TDRD12: variants seen among roughly 807,000 people sequenced by gnomAD.
The protein encoded by TDRD12 is putative ATP-dependent RNA helicase TDRD12.
A neutral mutation model predicts 133.5 loss-of-function variants in TDRD12; 158 were observed. The observed-to-expected ratio is 1.18, with a 90% confidence interval of 1.04 to 1.35. TDRD12 has a LOEUF of 1.35. Ranked by LOEUF, TDRD12 falls within the 40% of genes most tolerant of loss-of-function variation. TDRD12 has a pLI of 0.00. For synonymous variants in TDRD12, 460 were observed against 477.9 expected, an observed-to-expected ratio of 0.96 and a Z score of 0.49; for missense variants, 1,443 against 1,321.3, an observed-to-expected ratio of 1.09 and a Z score of -1.43.
rs1042187486 is a variant in TDRD12, at chr19:32,796,446, G to A, written c.1474-1289G>A. On this transcript the variant is annotated intron_variant, in intron 14 of 27. Transcript: ENST00000444215. ...CTAAAAATACAAAAATTAGCTGGGC[G>A]TGGTGGCACACGCCTGTAGTTCCAG... 3.9e-5 allele frequency among the ~76,000 whole-genome samples: 6 copies of A among 152,156 alleles called. No individual in the cohort carries two copies. In the East Asian group the frequency reaches 5.8e-4, roughly 15 times the overall value.
Position 32,777,843 on chromosome 19 carries a change from A to G in TDRD12, c.1121+614A>G, listed in dbSNP as rs1568472453. 8.0e-3 allele frequency among the ~76,000 whole-genome samples: 128 copies of G among 16,000 alleles called. 4 individuals carry two copies. The highest frequency in any genetic ancestry group is 0.042 in the Middle Eastern group (1 of 24). The allele number at this position is 16,000 out of a possible 152,430, so 10.5% of individuals were successfully genotyped here. ...TATATATATATATATATATATATAT[A>G]TATATATATATATATTTTTTTTTTT... is the stretch of plus-strand genomic sequence containing the variant. On this transcript the variant is annotated intron_variant, in intron 11 of 27. Coordinates refer to ENST00000444215, the Ensembl canonical transcript of TDRD12.
At chr19:32,743,334 A>T (rs1039995843) in intron 4 of TDRD12, among the ~76,000 whole-genome samples, 1 of 151,556 alleles carries the variant, frequency 6.6e-6, no homozygotes, top group African/African-American at 2.4e-5. Context: ...GGCACATGCC[A>T]CCATACCCAG....
intron 16 of TDRD12, among the ~76,000 whole-genome samples, chr19:32,798,671 A>C (rs1460393687): frequency 6.6e-6 from 1 of 152,228 alleles, no homozygotes; most frequent in Non-Finnish European, 1.5e-5. Context: ...AAAATACTTA[A>C]AATTTTTCTG....
At chr19:32,745,314 GC>G (rs1037282971) in intron 4 of TDRD12, among the ~76,000 whole-genome samples, 2 of 152,184 alleles carry the variant, frequency 1.3e-5, no homozygotes, top group African/African-American at 4.8e-5. Context: ...AACCTAGGAT[GC>G]CCCCAGGGAA....
chr19:32,816,874 G>A (rs985900686), intron 26 of TDRD12, among the ~76,000 whole-genome samples: 2 of 152,138 alleles, frequency 1.3e-5, no homozygotes, highest in Non-Finnish European at 2.9e-5. Context: ...AGCCACTTCA[G>A]GATACCTAAT....
exon 1 of TDRD12, chr19:32,719,815 G>GGCAGGCAGGGATCCC: frequency 5.3e-6 from 3 of 569,934 alleles, no homozygotes; most frequent in Non-Finnish European, 9.5e-6. Context: ...CCCGAGGCCA[G>GGCAGGCAGGGATCCC]GCAGGCAGGG....
chr19:32,763,206 T>C (rs1970200119), intron 8 of TDRD12, among the ~76,000 whole-genome samples: 1 of 152,208 alleles, frequency 6.6e-6, no homozygotes, highest in African/African-American at 2.4e-5. Flanking sequence ...CCTTGTTTTT[T>C]TGTTCCTCTT....
At chr19:32,791,696 A>C (rs1482270859) in intron 13 of TDRD12, among the ~76,000 whole-genome samples, 2 of 152,034 alleles carry the variant, frequency 1.3e-5, no homozygotes, top group African/African-American at 2.4e-5. Flanking sequence ...GCCAGCTTGT[A>C]TTGTTCTCAG....
intron 9 of TDRD12, 31 bp from the exon 32 acceptor site, chr19:32,826,652 C>G: frequency 8.1e-7 from 1 of 1,231,266 alleles, no homozygotes; most frequent in Non-Finnish European, 1.0e-6. Flanking sequence ...GTCATATTCA[C>G]GCGCTCACTG....
In TDRD12 at chr19:32,807,206, A is replaced by G. The variant is rs146513050; in HGVS notation, c.2553-343A>G. Among the ~76,000 whole-genome samples the G allele has an allele frequency of 3.1e-3, 427 of 138,032 alleles. 5 individuals carry two copies. The highest frequency in any genetic ancestry group is 0.011 in the African/African-American group (396 of 37,158). 90.6% of individuals were successfully genotyped at this position (138,032 alleles called of 152,430 possible). Reference sequence around the variant, plus strand: ...TCTTGAGCCCAGGAGTTAAGAGGCTATGGTGAGACATGATCTTGCCACTGC... The same window carrying G: ...TCTTGAGCCCAGGAGTTAAGAGGCTGTGGTGAGACATGATCTTGCCACTGC... On this transcript the variant is annotated intron_variant, in intron 21 of 27. Coordinates refer to ENST00000444215, the Ensembl canonical transcript of TDRD12.
At chr19:32,745,990 G>A (rs1222938450) in intron 4 of TDRD12, among the ~76,000 whole-genome samples, 3 of 122,684 alleles carry the variant, frequency 2.4e-5, no homozygotes, top group Non-Finnish European at 3.5e-5. Flanking sequence ...TTCTGTGTGT[G>A]TGTGTGTGTG....
chr19:32,755,055 G>A (rs1275878623), intron 6 of TDRD12, among the ~76,000 whole-genome samples: 1 of 152,124 alleles, frequency 6.6e-6, no homozygotes, highest in Admixed American at 6.6e-5. Flanking sequence ...TTCTTTTTTG[G>A]TCTGGCTTCT....
intron 18 of TDRD12, 75 bp downstream of exon 18, chr19:32,800,847 G>C: frequency 7.1e-7 from 1 of 1,400,506 alleles, no homozygotes. Flanking sequence ...AAAATTACTG[G>C]GGTGGTTGAC....
chr19:32,749,679 G>T (rs1969764568), intron 5 of TDRD12, 105 bp from the exon 6 acceptor site: 3 of 794,604 alleles, frequency 3.8e-6, no homozygotes, highest in Non-Finnish European at 6.0e-6. Context: ...AGACATTTGG[G>T]CACTCTTAAG....
At chr19:32,744,668 G>C (rs1008575221) in intron 4 of TDRD12, among the ~76,000 whole-genome samples, 3 of 152,030 alleles carry the variant, frequency 2.0e-5, no homozygotes, top group African/African-American at 7.3e-5. Context: ...CCTGCCCTGG[G>C]CAGTTCCCTC....
intron 27 of TDRD12, among the ~76,000 whole-genome samples, chr19:32,820,595 A>C (rs1337188182): frequency 6.6e-6 from 1 of 152,212 alleles, no homozygotes; most frequent in East Asian, 1.9e-4. Flanking sequence ...TGTGTTTTAG[A>C]TAGAAAGGCA....
exon 17 of TDRD12, chr19:32,800,215 A>G (rs1420141064): frequency 6.5e-7 from 1 of 1,527,064 alleles, no homozygotes; most frequent in East Asian, 2.4e-5. Flanking sequence ...AGTTGAAGAA[A>G]GGGAATCTGC....
exon 15 of TDRD12, chr19:32,797,746 C>T (rs1442762847): frequency 1.3e-5 from 9 of 691,044 alleles, no homozygotes; most frequent in Non-Finnish European, 2.4e-5. Context: ...CTCTCGCAGT[C>T]ATCGTGTGCC....
At chr19:32,823,697 G>C (rs192528387), downstream of TDRD12, among the ~76,000 whole-genome samples, 289 of 152,354 alleles carry the variant, frequency 1.9e-3, no homozygotes, top group African/African-American at 6.6e-3. Flanking sequence ...ACTGGAAAAG[G>C]GTTCTGAAGA....
Sources: allele counts gnomAD v4.1 joint callset (sites outside exome capture counted in the v4.1 genomes callset), GRCh38; gene constraint gnomAD v4.1.1; transcripts MANE v1.5; gene names NCBI Gene and HGNC (gene_info 2026-07-23, HGNC 2026-07-21).